The following FAM178B variants were observed in gnomAD, a reference collection of about 807,000 sequenced individuals.
FAM178B encodes protein FAM178B.
Under a neutral mutation model 91.7 loss-of-function variants are expected in FAM178B, and 82 were observed. The ratio of observed to expected loss-of-function variants is 0.89; its 90% confidence interval spans 0.75 to 1.07. FAM178B has a LOEUF of 1.07. Among genes scored for constraint, FAM178B ranks in the 50% least tolerant of loss-of-function variants. The pLI is 0.00. For synonymous variants in FAM178B, 368 were observed against 359.4 expected (o/e 1.02, Z -0.27); for missense variants, 769 against 846.7 (o/e 0.91, Z 1.14).
intron 6 of FAM178B, among the ~76,000 whole-genome samples, chr2:96,955,166 G>C (rs534676209): frequency 1.3e-5 from 2 of 152,254 alleles, no homozygotes; most frequent in South Asian, 4.2e-4. Context: ...AGAAGTTCAA[G>C]ACCAGCCTGG....
At chr2:96,918,928 G>GC (rs1161465028) in intron 12 of FAM178B, among the ~76,000 whole-genome samples, 1 of 152,142 alleles carries the variant, frequency 6.6e-6, no homozygotes, top group Non-Finnish European at 1.5e-5. Flanking sequence ...AGTGCATGCA[G>GC]CCCCCAGTCA....
At position 96,972,127 on chromosome 2, in the gene FAM178B, G is replaced by T. The variant is rs778813455; in HGVS notation, c.338C>A (p.Pro113Gln). The T allele has an allele frequency of 5.2e-6, 8 of 1,528,834 alleles. No homozygotes were observed. The highest frequency in any genetic ancestry group is 1.4e-5 in the African/African-American group (1 of 72,306). The allele number at this position is 1,528,834 out of a possible 1,614,324, so 94.7% of individuals were successfully genotyped here. A position where few individuals can be genotyped will look rare whatever the true frequency, so the allele number is the denominator to read the frequency against. ...CCTCGGGTTGAGGAATTCCACGGGC[G>T]GGGGGCTCCAGTCAGTGGGAAACGT... ...GETFPTDWSP[P>Q]PVEFLNPRVL... The change falls in exon 3 of 17, where the codon CCG becomes CAG. Residue 113 changes from proline (P) to glutamine (Q), a missense_variant. By Grantham distance (76) the Pro-to-Gln change is moderately conservative. Coordinates refer to ENST00000490605, the MANE Select transcript of FAM178B (RefSeq NM_001122646.3).
chr2:96,983,918 G>A (rs959018278), intron 1 of FAM178B, among the ~76,000 whole-genome samples: 1 of 151,990 alleles, frequency 6.6e-6, no homozygotes, highest in Non-Finnish European at 1.5e-5. Flanking sequence ...TATCCATTCC[G>A]CTGTTGATGA....
intron 4 of FAM178B, 25 bp from the exon 5 acceptor site, chr2:96,967,652 C>T (rs1259170257): frequency 2.7e-6 from 4 of 1,490,610 alleles, no homozygotes; most frequent in Admixed American, 3.9e-5. Context: ...GGGCCAGAGC[C>T]GGGGGTCAGT....
intron 12 of FAM178B, among the ~76,000 whole-genome samples, chr2:96,904,290 C>G (rs2080988945): frequency 6.6e-6 from 1 of 152,168 alleles, no homozygotes; most frequent in Admixed American, 6.5e-5. Context: ...GAATGAACCA[C>G]AAGTACCTCC....
At chr2:96,954,177 G>A (rs1022983990) in intron 6 of FAM178B, among the ~76,000 whole-genome samples, 4 of 152,198 alleles carry the variant, frequency 2.6e-5, no homozygotes, top group African/African-American at 9.7e-5. Context: ...CAGATACCAT[G>A]CAGGCCTGGC....
chr2:96,914,737 G>A (rs900544000), intron 12 of FAM178B, among the ~76,000 whole-genome samples: 1 of 152,086 alleles, frequency 6.6e-6, no homozygotes, highest in African/African-American at 2.4e-5. Flanking sequence ...AAAACTTAAA[G>A]AAGTTAGCTA....
chr2:96,894,986 G>T, intron 13 of FAM178B: 2 of 1,187,788 alleles, frequency 1.7e-6, no homozygotes, highest in Non-Finnish European at 2.2e-6. Context: ...CCTCTCTTTT[G>T]GTTTAACTCT....
chr2:96,882,416 G>A (rs995015130), intron 14 of FAM178B, among the ~76,000 whole-genome samples: 18 of 152,212 alleles, frequency 1.2e-4, no homozygotes, highest in African/African-American at 4.3e-4. Context: ...CGGGAGTGGT[G>A]CAGGGCAGGC....
chr2:96,929,333 A>C lies in FAM178B; in HGVS notation c.1079-13T>G. On this transcript the variant is annotated splice_polypyrimidine_tract_variant and intron_variant, in intron 8 of 16. Coordinates refer to ENST00000490605, the MANE Select transcript of FAM178B (RefSeq NM_001122646.3). ...TGCTTGTCTTCATCTGTCAGGCCAA[A>C]AGGGAGCAGAGAGTTAGAATGGGGA... is the stretch of plus-strand genomic sequence containing the variant. 6.5e-7 allele frequency: 1 copy of C among 1,531,588 alleles called. No homozygotes were observed. Among genetic ancestry groups the C allele is most frequent in the Non-Finnish European group, 8.9e-7 (1 of 1,128,890 alleles). The allele number at this position is 1,531,588 out of a possible 1,614,324, so 94.9% of individuals were successfully genotyped here.
intron 14 of FAM178B, 67 bp from the exon 15 acceptor site, chr2:96,878,560 CCTGCACACT>C: frequency 7.1e-7 from 1 of 1,407,402 alleles, no homozygotes; most frequent in Non-Finnish European, 1.0e-6. Context: ...GTGCCCTCCA[CCTGCACACT>C]CCCCACTCTC....
At chr2:96,940,134 A>C (rs1377368442) in intron 8 of FAM178B, among the ~76,000 whole-genome samples, 1 of 152,056 alleles carries the variant, frequency 6.6e-6, no homozygotes, top group Non-Finnish European at 1.5e-5. Flanking sequence ...ACGGGGACTG[A>C]GTGCAGCTGG....
chr2:96,923,163 G>T (rs1226758833), intron 10 of FAM178B, among the ~76,000 whole-genome samples: 1 of 151,534 alleles, frequency 6.6e-6, no homozygotes, highest in Non-Finnish European at 1.5e-5. Flanking sequence ...AGTACAGATG[G>T]GGTTTCACCA....
chr2:96,879,388 C>T (rs984320291), intron 14 of FAM178B, among the ~76,000 whole-genome samples: 6 of 152,180 alleles, frequency 3.9e-5, no homozygotes, highest in South Asian at 2.1e-4. Context: ...AACCAGCCCA[C>T]GGCCCCTGTG....
chr2:96,982,795 G>A (rs1363092174), intron 1 of FAM178B, among the ~76,000 whole-genome samples: 1 of 128,386 alleles, frequency 7.8e-6, no homozygotes, highest in Non-Finnish European at 1.6e-5. Context: ...GCCCAGGATG[G>A]TCTTGAACTC....
chr2:96,877,227 A>T (rs1374583227), intron 16 of FAM178B, among the ~76,000 whole-genome samples: 1 of 152,026 alleles, frequency 6.6e-6, no homozygotes, highest in East Asian at 1.9e-4. Flanking sequence ...ACAGCAGGAG[A>T]CCAGCTTCAG....
At chr2:96,949,837 G>T in intron 7 of FAM178B, 1 of 301,462 alleles carries the variant, frequency 3.3e-6, no homozygotes, top group Non-Finnish European at 4.9e-6. Context: ...GGGGCACAAG[G>T]ACAAGGCAGC....
Position 96,897,184 on chromosome 2 carries a change from CT to C in FAM178B, c.1651-3134del, listed in dbSNP as rs1386434851. Reference sequence around the variant, plus strand: ...GCTTGGCCCCTTTGCAATTTACTTGCTTTTTATCACCTATTCCCCCCCACTC... The same window carrying C: ...GCTTGGCCCCTTTGCAATTTACTTGCTTTTATCACCTATTCCCCCCCACTC... On this transcript the variant is annotated intron_variant, in intron 13 of 16. Coordinates refer to ENST00000490605, the MANE Select transcript of FAM178B (RefSeq NM_001122646.3). Among the ~76,000 whole-genome samples the C allele has an allele frequency of 2.6e-5, 4 of 152,238 alleles. No homozygotes were observed. The East Asian group carries it at 7.7e-4, about 29-fold the overall frequency.
chr2:96,983,863 T>A (rs774639667), intron 1 of FAM178B, among the ~76,000 whole-genome samples: 1 of 152,270 alleles, frequency 6.6e-6, no homozygotes, highest in Non-Finnish European at 1.5e-5. Context: ...TCAGTAATCT[T>A]TATTACTATA....
Sources: allele counts gnomAD v4.1 joint callset (sites outside exome capture counted in the v4.1 genomes callset), GRCh38; gene constraint gnomAD v4.1.1; transcripts MANE v1.5; gene names NCBI Gene and HGNC (gene_info 2026-07-23, HGNC 2026-07-21).